ENOX2: variants seen among roughly 807,000 people sequenced by gnomAD.
ENOX2 encodes ecto-NOX disulfide-thiol exchanger 2, also known as APK1 antigen.
In ENOX2, 36 loss-of-function variants were observed where a neutral mutation model predicts 45.0. The observed-to-expected ratio is 0.80, with a 90% CI of 0.61 to 1.06. The LOEUF is 1.06. Among genes scored for constraint, ENOX2 ranks in the 50% least tolerant of loss-of-function variants. ENOX2 has a pLI of 0.00. For missense variants in ENOX2, 423 were observed against 462.5 expected (o/e 0.91, Z 0.78); for synonymous variants, 174 against 152.3 (o/e 1.14, Z -1.05).
rs747133342 is a variant in ENOX2, at chrX:130,893,839, C to A, written c.-183+7845G>T. ...CTTCCTGACATCTCTTCAGCCTTTCCTTTTTCCTCCCCCAAATCCCAAGGG... is the reference window on the plus strand; with the variant it reads ...CTTCCTGACATCTCTTCAGCCTTTCATTTTTCCTCCCCCAAATCCCAAGGG... On this transcript the variant is annotated intron_variant, in intron 2 of 14. Transcript: ENST00000394363. Among the ~76,000 whole-genome samples the A allele has an allele frequency of 4.0e-3, 445 of 111,816 alleles. 3 individuals are homozygous for A. Among genetic ancestry groups the A allele is most frequent in the African/African-American group, 0.014 (429 of 30,788 alleles).
At chrX:130,648,439 CA>C (rs1162235536) in intron 10 of ENOX2, among the ~76,000 whole-genome samples, 50 of 91,228 alleles carry the variant, frequency 5.5e-4, no homozygotes, top group South Asian at 9.8e-4. Context: ...ACTCCGTCTC[CA>C]AAAAAAAAAA....
At chrX:130,848,177 T>C (rs1264668160) in intron 2 of ENOX2, among the ~76,000 whole-genome samples, 1 of 111,987 alleles carries the variant, frequency 8.9e-6, no homozygotes, top group African/African-American at 3.2e-5. Context: ...GAAGATCTTA[T>C]GCATATAAAG....
intron 2 of ENOX2, among the ~76,000 whole-genome samples, chrX:130,869,952 G>A (rs1429989160): frequency 8.9e-6 from 1 of 112,109 alleles, no homozygotes; most frequent in African/African-American, 3.2e-5. Flanking sequence ...TAAGCAATAT[G>A]CTGTATCAAG....
At chrX:130,699,713 A>G (rs966326514) in intron 4 of ENOX2, among the ~76,000 whole-genome samples, 4 of 111,589 alleles carry the variant, frequency 3.6e-5, no homozygotes, top group Non-Finnish European at 7.5e-5. Flanking sequence ...TGTCGTGCCA[A>G]CCTTCCATTT....
intron 2 of ENOX2, among the ~76,000 whole-genome samples, chrX:130,884,355 A>G (rs749627313): frequency 1.8e-5 from 2 of 112,286 alleles, no homozygotes; most frequent in Non-Finnish European, 3.8e-5. Flanking sequence ...ACAGATTATA[A>G]CAATACTTGC....
chrX:130,738,060 G>A (rs2038901940), intron 3 of ENOX2, among the ~76,000 whole-genome samples: 1 of 111,898 alleles, frequency 8.9e-6, no homozygotes, highest in Non-Finnish European at 1.9e-5. Flanking sequence ...ACCTTGAAAT[G>A]TAAATTCACT....
At chrX:130,703,890 G>T (rs1258567053) in intron 3 of ENOX2, among the ~76,000 whole-genome samples, 4 of 111,008 alleles carry the variant, frequency 3.6e-5, no homozygotes, top group African/African-American at 6.6e-5. Context: ...AGAGACTGAT[G>T]ATGATGGTGA....
At chrX:130,669,504 C>G (rs1237682477) in intron 7 of ENOX2, among the ~76,000 whole-genome samples, 1 of 112,093 alleles carries the variant, frequency 8.9e-6, no homozygotes, top group African/African-American at 3.2e-5. Context: ...TGACTACTTT[C>G]TGGACCTCCA....
chrX:130,857,717 G>A (rs1362408306), intron 2 of ENOX2, among the ~76,000 whole-genome samples: 1 of 110,753 alleles, frequency 9.0e-6, no homozygotes, highest in Non-Finnish European at 1.9e-5. Context: ...GATAGAGGAT[G>A]GTTTCATGGT....
chrX:130,783,860 G>T (rs1007633356), intron 2 of ENOX2, among the ~76,000 whole-genome samples, 170 bp from the exon 3 acceptor site: 5 of 111,620 alleles, frequency 4.5e-5, no homozygotes, highest in African/African-American at 1.6e-4. Flanking sequence ...AGATCTTTTC[G>T]GTAAGTACAA....
At chrX:130,717,939 C>T (rs1054089035) in intron 3 of ENOX2, among the ~76,000 whole-genome samples, 6 of 111,451 alleles carry the variant, frequency 5.4e-5, no homozygotes, top group Admixed American at 9.5e-5. Context: ...ATGTTGATAC[C>T]GTCTCTTCAA....
chrX:130,859,374 A>G (rs893640037), intron 2 of ENOX2, among the ~76,000 whole-genome samples: 2 of 112,743 alleles, frequency 1.8e-5, no homozygotes, highest in African/African-American at 6.4e-5. Flanking sequence ...AACAAAAAAA[A>G]TCCTAAATGG....
chrX:130,739,979 A>G (rs1349121339), intron 3 of ENOX2, among the ~76,000 whole-genome samples: 2 of 112,451 alleles, frequency 1.8e-5, no homozygotes, highest in African/African-American at 3.2e-5. Flanking sequence ...TACATATAAC[A>G]CAATGAATTC....
chrX:130,798,191 T>C (rs753189307), intron 2 of ENOX2, among the ~76,000 whole-genome samples: 4 of 111,623 alleles, frequency 3.6e-5, no homozygotes, highest in Non-Finnish European at 7.5e-5. Flanking sequence ...CACAGCAAGA[T>C]GATCCCTTGA....
intron 7 of ENOX2, among the ~76,000 whole-genome samples, chrX:130,668,674 T>TA (rs925548326): frequency 2.7e-5 from 3 of 111,906 alleles, no homozygotes; most frequent in Non-Finnish European, 5.6e-5. Flanking sequence ...TAGAAACCCT[T>TA]ATGTTAAATG....
chrX:130,654,836 C>A (rs16999737), intron 10 of ENOX2, among the ~76,000 whole-genome samples: 1,933 of 112,002 alleles, frequency 0.017, 28 homozygotes, highest in Admixed American at 0.081. Flanking sequence ...TGTGCAGTAG[C>A]CAATACAGCT....
chrX:130,876,292 T>C (rs1427572306), intron 2 of ENOX2, among the ~76,000 whole-genome samples: 3 of 112,068 alleles, frequency 2.7e-5, no homozygotes, highest in East Asian at 5.6e-4. Context: ...TGATTAGTGA[T>C]ATAACACAGA....
chrX:130,796,903 T>A (rs1300673080), intron 2 of ENOX2, among the ~76,000 whole-genome samples: 1 of 112,194 alleles, frequency 8.9e-6, no homozygotes, highest in Admixed American at 9.5e-5. Flanking sequence ...AATGTAATTG[T>A]CTCCTGGAGA....
At chrX:130,776,850 C>T (rs1269661617) in intron 3 of ENOX2, among the ~76,000 whole-genome samples, 2 of 111,313 alleles carry the variant, frequency 1.8e-5, no homozygotes, top group Non-Finnish European at 1.9e-5. Flanking sequence ...CTGAGTTGCC[C>T]GAGTTCTGCT....
Sources: gnomAD v4.1 joint callset for allele counts (sites outside exome capture counted in the v4.1 genomes callset) on GRCh38, gnomAD v4.1.1 for gene constraint, MANE v1.5 for transcripts, NCBI Gene and HGNC (gene_info 2026-07-23, HGNC 2026-07-21) for gene names.